Variants in TNFSF4 observed in about 807,000 individuals in gnomAD.
TNFSF4 encodes tumor necrosis factor ligand superfamily member 4.
TNFSF4 carries 4 observed loss-of-function variants against 7.3 expected under a neutral mutation model. The ratio of observed to expected loss-of-function variants is 0.55; its 90% CI spans 0.27 to 1.25. The LOEUF (loss-of-function observed/expected upper bound fraction) is 1.25. TNFSF4 is among the 50% of genes most tolerant of loss of function. The pLI is 0.12. For missense variants in TNFSF4, 181 were observed against 208.8 expected (o/e 0.87, Z 0.82); for synonymous variants, 76 against 83.7 (o/e 0.91, Z 0.50).
chr1:173,362,651 T>A, the TNFSF4 span: 1 of 441,116 alleles, frequency 2.3e-6, no homozygotes, highest in Admixed American at 2.7e-5. Context: ...TGTCCATTCA[T>A]CCTGTAAAGT....
the TNFSF4 span, among the ~76,000 whole-genome samples, chr1:173,421,528 GCCAT>G: frequency 6.6e-6 from 1 of 152,010 alleles, no homozygotes; most frequent in African/African-American, 2.4e-5. Flanking sequence ...AAAATAATCT[GCCAT>G]CCTCAAGTAA....
At chr1:173,447,789 T>A in the TNFSF4 span, among the ~76,000 whole-genome samples, 1 of 152,064 alleles carries the variant, frequency 6.6e-6, no homozygotes, top group African/African-American at 2.4e-5. Flanking sequence ...ATATCAATAA[T>A]TACATTAAAT....
the TNFSF4 span, among the ~76,000 whole-genome samples, chr1:173,343,484 A>C: frequency 6.6e-6 from 1 of 152,292 alleles, no homozygotes; most frequent in Admixed American, 6.5e-5. Flanking sequence ...ATGGGAAAGG[A>C]TATGGTGATG....
chr1:173,342,288 C>T, the TNFSF4 span, among the ~76,000 whole-genome samples: 1 of 152,056 alleles, frequency 6.6e-6, no homozygotes, highest in Non-Finnish European at 1.5e-5. Context: ...ATAGGGCTAC[C>T]CCTTCCCCAT....
At chr1:173,362,755 C>T in the TNFSF4 span, 1 of 396,826 alleles carries the variant, frequency 2.5e-6, no homozygotes, top group Non-Finnish European at 5.0e-6. Flanking sequence ...AAGATACTTG[C>T]TTTGCCAAAG....
the TNFSF4 span, among the ~76,000 whole-genome samples, chr1:173,386,158 C>T: frequency 2.0e-5 from 3 of 152,218 alleles, no homozygotes; most frequent in Admixed American, 6.5e-5. Context: ...CCCAGGGTGC[C>T]TCTGGGGCCT....
the TNFSF4 span, among the ~76,000 whole-genome samples, chr1:173,265,503 C>T: frequency 6.6e-6 from 1 of 152,168 alleles, no homozygotes; most frequent in African/African-American, 2.4e-5. Flanking sequence ...ATATATAAAA[C>T]AGCAAATGGA....
At chr1:173,416,608 T>TTTTTTTTTTTTATTTATTTATTTA in the TNFSF4 span, among the ~76,000 whole-genome samples, 4 of 121,942 alleles carry the variant, frequency 3.3e-5, no homozygotes, top group Non-Finnish European at 6.8e-5. Context: ...ATTTTTTTAT[T>TTTTTTTTTTTTATTTATTTATTTA]TTTATTTATT....
At chr1:173,319,113 G>C in the TNFSF4 span, among the ~76,000 whole-genome samples, 1 of 152,184 alleles carries the variant, frequency 6.6e-6, no homozygotes, top group African/African-American at 2.4e-5. Context: ...CTCACTGCCA[G>C]CACAGAAATC....
At chr1:173,233,351 G>C in the TNFSF4 span, among the ~76,000 whole-genome samples, 6 of 152,324 alleles carry the variant, frequency 3.9e-5, no homozygotes, top group Middle Eastern at 3.4e-3. Flanking sequence ...ATCTACGTCT[G>C]ATTGGTGTAC....
chr1:173,184,469 T>C lies in TNFSF4; in HGVS notation c.*2047A>G, dbSNP rs914173874. On this transcript the variant is annotated 3_prime_UTR_variant, in exon 3 of 3. Coordinates refer to ENST00000281834, the MANE Select transcript of TNFSF4 (RefSeq NM_003326.5). ...GCAGGCCAGGTGCACCCAAAGCGAG[T>C]GAGCACCTAAGAGAGGGGACCATGA... is the stretch of plus-strand genomic sequence containing the variant. 6.6e-6 allele frequency: 1 copy of C among 151,994 alleles called. No individual in the cohort carries two copies. The highest frequency in any genetic ancestry group is 2.4e-5 in the African/African-American group (1 of 41,354). 9.4% of individuals were successfully genotyped at this position (151,994 alleles called of 1,614,324 possible). A position where few individuals can be genotyped will look rare whatever the true frequency, so the allele number is the denominator to read the frequency against.
the TNFSF4 span, among the ~76,000 whole-genome samples, chr1:173,240,922 A>G: frequency 6.6e-6 from 1 of 152,216 alleles, no homozygotes; most frequent in African/African-American, 2.4e-5. Context: ...GATTACTATT[A>G]AGATTTAGCA....
chr1:173,261,219 T>G, the TNFSF4 span, among the ~76,000 whole-genome samples: 3 of 152,192 alleles, frequency 2.0e-5, no homozygotes, highest in Non-Finnish European at 1.5e-5. Context: ...AACCTCCTCC[T>G]GAATGACTCC....
At chr1:173,290,592 C>T in the TNFSF4 span, among the ~76,000 whole-genome samples, 12 of 152,074 alleles carry the variant, frequency 7.9e-5, no homozygotes, top group Non-Finnish European at 1.6e-4. Flanking sequence ...ATTCATAAAA[C>T]GAATTCTTAG....
the TNFSF4 span, among the ~76,000 whole-genome samples, chr1:173,427,397 A>G: frequency 6.6e-6 from 1 of 152,176 alleles, no homozygotes; most frequent in Non-Finnish European, 1.5e-5. Context: ...AACATTCCAC[A>G]ATGCACGGGA....
the TNFSF4 span, among the ~76,000 whole-genome samples, chr1:173,264,466 T>C: frequency 2.0e-5 from 3 of 152,138 alleles, no homozygotes; most frequent in African/African-American, 4.8e-5. Context: ...TGAGTTCTTA[T>C]ATTTAAAAAT....
chr1:173,372,991 A>C, the TNFSF4 span, among the ~76,000 whole-genome samples: 1 of 152,226 alleles, frequency 6.6e-6, no homozygotes, highest in African/African-American at 2.4e-5. Flanking sequence ...CTTGAAAGTA[A>C]GCCTCTTCCC....
chr1:173,297,636 T>A, the TNFSF4 span, among the ~76,000 whole-genome samples: 1 of 151,810 alleles, frequency 6.6e-6, no homozygotes, highest in African/African-American at 2.4e-5. Flanking sequence ...ATCTGGCCCA[T>A]GAGAGGAGGC....
the TNFSF4 span, among the ~76,000 whole-genome samples, chr1:173,241,395 G>A: frequency 1.5e-3 from 235 of 152,216 alleles, no homozygotes; most frequent in Non-Finnish European, 1.6e-3. Flanking sequence ...TGAAGAAGAC[G>A]GTGCCTGCAG....
Sources: allele counts gnomAD v4.1 joint callset (sites outside exome capture counted in the v4.1 genomes callset), GRCh38; gene constraint gnomAD v4.1.1; transcripts MANE v1.5; gene names NCBI Gene and HGNC (gene_info 2026-07-23, HGNC 2026-07-21).